ARHGAP10: variants seen among roughly 807,000 people sequenced by gnomAD.
ARHGAP10 encodes Rho GTPase activating protein 10.
ARHGAP10 carries 87 observed loss-of-function variants against 108.6 expected under a neutral mutation model. The observed-to-expected ratio is 0.80, with a 90% confidence interval of 0.67 to 0.96. ARHGAP10 has a LOEUF of 0.96. Among genes scored for constraint, ARHGAP10 ranks in the 40% least tolerant of loss-of-function variants. ARHGAP10 has a pLI of 0.00. For missense variants in ARHGAP10, 939 were observed against 954.5 expected (o/e 0.98, Z 0.21); for synonymous variants, 347 against 341.1 (o/e 1.02, Z -0.19).
rs1255122782 is a variant in ARHGAP10 at position 147,732,227 on chromosome 4, A to C, written c.-75A>C. ...GTGCTCCCTGAACGCGCGGCGCCGC[A>C]CCTGGCAGCGGCCTCGGAGCTCGGC... is the stretch of plus-strand genomic sequence containing the variant. On this transcript the variant is annotated 5_prime_UTR_variant, in exon 1 of 23. Transcript: ENST00000336498. 4.8e-5 allele frequency: 67 copies of C among 1,404,408 alleles called. No individual in the cohort carries two copies. The highest frequency in any genetic ancestry group is 6.2e-5 in the Non-Finnish European group (67 of 1,080,794). The allele number at this position is 1,404,408 out of a possible 1,614,324, so 87.0% of individuals were successfully genotyped here.
intron 10 of ARHGAP10, among the ~76,000 whole-genome samples, chr4:147,903,462 T>A (rs1470602910): frequency 6.6e-6 from 1 of 152,152 alleles, no homozygotes; most frequent in African/African-American, 2.4e-5. Context: ...CCTTGACATA[T>A]CATAATCACC....
intron 16 of ARHGAP10, among the ~76,000 whole-genome samples, 174 bp from the exon 17 acceptor site, chr4:147,964,850 A>G (rs1560848846): frequency 6.6e-6 from 1 of 151,516 alleles, no homozygotes; most frequent in Non-Finnish European, 1.5e-5. Context: ...AAGGAGAAAG[A>G]TTTTTTTTTC....
chr4:147,988,256 A>T (rs915213401), intron 18 of ARHGAP10, among the ~76,000 whole-genome samples: 6 of 152,192 alleles, frequency 3.9e-5, no homozygotes, highest in African/African-American at 7.2e-5. Context: ...CCAAAATTTT[A>T]TGGCTAAAAC....
intron 6 of ARHGAP10, chr4:147,866,384 A>G (rs1352275056): frequency 1.5e-5 from 3 of 206,274 alleles, no homozygotes; most frequent in Admixed American, 1.2e-4. Flanking sequence ...GTCAACCTAT[A>G]GTGATAAGAT....
chr4:147,999,536 A>G (rs1276029203), intron 18 of ARHGAP10, among the ~76,000 whole-genome samples: 1 of 152,152 alleles, frequency 6.6e-6, no homozygotes, highest in Non-Finnish European at 1.5e-5. Context: ...TGAGGCGCCC[A>G]TTGCCGCTCT....
intron 13 of ARHGAP10, among the ~76,000 whole-genome samples, chr4:147,936,433 A>G (rs1282659500): frequency 7.1e-6 from 1 of 140,286 alleles, no homozygotes; most frequent in African/African-American, 2.7e-5. Flanking sequence ...GGTTCACGCC[A>G]TTCTCCTGCC....
chr4:147,956,583 C>T (rs575988631), intron 16 of ARHGAP10, among the ~76,000 whole-genome samples: 19 of 152,172 alleles, frequency 1.2e-4, no homozygotes. Flanking sequence ...TTCCCTGTGG[C>T]ATTTTTGGCA....
intron 1 of ARHGAP10, among the ~76,000 whole-genome samples, chr4:147,779,330 T>A (rs1032795258): frequency 1.3e-5 from 2 of 152,172 alleles, no homozygotes; most frequent in African/African-American, 4.8e-5. Context: ...TATGAAGCAG[T>A]GGCCCTGGGC....
chr4:147,763,746 C>CTT (rs35774782), intron 1 of ARHGAP10, among the ~76,000 whole-genome samples: 2,527 of 92,842 alleles, frequency 0.027, 26 homozygotes, highest in East Asian at 0.059. Context: ...ATGGTGATTC[C>CTT]TTTTTTTTTT....
At chr4:147,849,265 A>G (rs1469788865) in intron 4 of ARHGAP10, among the ~76,000 whole-genome samples, 7 of 149,956 alleles carry the variant, frequency 4.7e-5, no homozygotes, top group African/African-American at 1.5e-4. Context: ...ATTCTCTACC[A>G]GCCCCTACCC....
intron 13 of ARHGAP10, among the ~76,000 whole-genome samples, chr4:147,926,449 A>T (rs994540240): frequency 6.6e-6 from 1 of 152,104 alleles, no homozygotes; most frequent in South Asian, 2.1e-4. Flanking sequence ...GTGAAAACGA[A>T]CTCTAAGCCT....
chr4:148,071,655 A>G (rs1730188222), intron 22 of ARHGAP10, among the ~76,000 whole-genome samples: 1 of 152,052 alleles, frequency 6.6e-6, no homozygotes, highest in Admixed American at 6.5e-5. Flanking sequence ...AAACACAAAA[A>G]GCTTGAGTTT....
chr4:147,799,714 A>C (rs1209487991), intron 1 of ARHGAP10, among the ~76,000 whole-genome samples: 2 of 152,214 alleles, frequency 1.3e-5, no homozygotes, highest in Non-Finnish European at 2.9e-5. Flanking sequence ...TTGTTTCAAC[A>C]GAATTTATAA....
At chr4:147,881,010 AC>A (rs1454841775) in intron 9 of ARHGAP10, among the ~76,000 whole-genome samples, 1 of 152,232 alleles carries the variant, frequency 6.6e-6, no homozygotes, top group African/African-American at 2.4e-5. Flanking sequence ...ACACTGGCTC[AC>A]GCCTGTAATC....
chr4:147,769,557 C>G (rs1464087450), intron 1 of ARHGAP10, among the ~76,000 whole-genome samples: 1 of 152,130 alleles, frequency 6.6e-6, no homozygotes, highest in Non-Finnish European at 1.5e-5. Context: ...CGTATGTTAA[C>G]AAGTTCTTTC....
intron 18 of ARHGAP10, among the ~76,000 whole-genome samples, chr4:148,022,670 T>C (rs976513204): frequency 5.3e-5 from 8 of 152,362 alleles, no homozygotes; most frequent in African/African-American, 1.9e-4. Flanking sequence ...GTGCTAATAT[T>C]CTAGGTTTCA....
intron 10 of ARHGAP10, among the ~76,000 whole-genome samples, chr4:147,887,352 G>A (rs1735613336): frequency 6.6e-6 from 1 of 151,474 alleles, no homozygotes; most frequent in Admixed American, 6.6e-5. Context: ...ACTGCTCCAG[G>A]ATATTACTCA....
At chr4:147,737,000 G>A (rs2126674674) in intron 1 of ARHGAP10, among the ~76,000 whole-genome samples, 1 of 152,260 alleles carries the variant, frequency 6.6e-6, no homozygotes, top group South Asian at 2.1e-4. Flanking sequence ...AAGTGGCATA[G>A]CGCGCTAACT....
At chr4:147,968,972 C>G (rs751683004) in intron 18 of ARHGAP10, among the ~76,000 whole-genome samples, 3 of 152,180 alleles carry the variant, frequency 2.0e-5, no homozygotes, top group Non-Finnish European at 4.4e-5. Flanking sequence ...ATTTTCTTGT[C>G]TGTTTCTCTC....
Sources: allele counts gnomAD v4.1 joint callset (sites outside exome capture counted in the v4.1 genomes callset), GRCh38; gene constraint gnomAD v4.1.1; transcripts MANE v1.5; gene names NCBI Gene and HGNC (gene_info 2026-07-23, HGNC 2026-07-21).